The following SOX5 variants were observed in gnomAD, a reference collection of about 807,000 sequenced individuals.
SOX5 encodes SRY-box transcription factor 5.
Under a neutral mutation model 92.0 loss-of-function variants are expected in SOX5, and 9 were observed. The observed-to-expected ratio is 0.10, with a 90% CI of 0.06 to 0.17. SOX5 has a LOEUF of 0.17. Among genes scored for constraint, SOX5 ranks in the 10% least tolerant of loss-of-function variants. The pLI is 1.00. For missense variants in SOX5, 642 were observed against 944.5 expected, an observed-to-expected ratio of 0.68 and a Z score of 4.20; for synonymous variants, 344 against 336.3, an observed-to-expected ratio of 1.02 and a Z score of -0.25.
At chr12:23,986,599 T>G (rs1206124198) in intron 4 of SOX5, among the ~76,000 whole-genome samples, 1 of 152,170 alleles carries the variant, frequency 6.6e-6, no homozygotes, top group Non-Finnish European at 1.5e-5. Flanking sequence ...TAAAATGCAG[T>G]CAATCAACCA....
chr12:24,119,222 A>C (rs1301353943), intron 4 of SOX5, among the ~76,000 whole-genome samples: 2 of 152,130 alleles, frequency 1.3e-5, no homozygotes, highest in Non-Finnish European at 2.9e-5. Context: ...CTGGATGATT[A>C]ATGTTTTGTA....
At chr12:23,999,166 GTGTGTGTGTGTA>G (rs955950825) in intron 4 of SOX5, among the ~76,000 whole-genome samples, 20 of 150,780 alleles carry the variant, frequency 1.3e-4, no homozygotes, top group African/African-American at 3.2e-4. Flanking sequence ...GTGTGTGTGT[GTGTGTGTGTGTA>G]CCATTGCTTC....
chr12:24,439,122 G>T (rs1310055356), intron 1 of SOX5, among the ~76,000 whole-genome samples: 1 of 152,170 alleles, frequency 6.6e-6, no homozygotes, highest in African/African-American at 2.4e-5. Flanking sequence ...CAACACTGAG[G>T]CAAGACCCTC....
chr12:23,693,183 G>T (rs1268466356), intron 6 of SOX5, among the ~76,000 whole-genome samples: 2 of 152,126 alleles, frequency 1.3e-5, no homozygotes, highest in Non-Finnish European at 2.9e-5. Context: ...AGTGCAAGTG[G>T]CACGATCTCG....
chr12:23,557,686 T>C lies in SOX5; in HGVS notation c.1488+5572A>G, dbSNP rs137908911. ...GAACCCCAGACAAGGTATAAGAACC[T>C]GGACATGGGCCAGGCACATTGGCTC... On this transcript the variant is annotated intron_variant, in intron 11 of 14. Transcript: ENST00000451604. Among the ~76,000 whole-genome samples, 17 of 152,244 alleles carry C rather than the reference T, an allele frequency of 1.1e-4. No homozygotes were observed. The East Asian group carries it at 2.3e-3, about 21-fold the overall frequency.
intron 3 of SOX5, among the ~76,000 whole-genome samples, chr12:23,819,184 C>A (rs764350325): frequency 6.6e-6 from 1 of 152,188 alleles, no homozygotes; most frequent in Non-Finnish European, 1.5e-5. Context: ...ACACCAGCAT[C>A]ACCACAAACT....
chr12:23,899,409 GA>G (rs754805392), intron 1 of SOX5, among the ~76,000 whole-genome samples: 3,233 of 119,920 alleles, frequency 0.027, 66 homozygotes, highest in Middle Eastern at 0.069. Flanking sequence ...TGAAAAAAAA[GA>G]AAAAAAAAAA....
chr12:24,157,973 C>A (rs1952367521), intron 4 of SOX5, among the ~76,000 whole-genome samples: 1 of 151,970 alleles, frequency 6.6e-6, no homozygotes, highest in Non-Finnish European at 1.5e-5. Flanking sequence ...TTTACTATTT[C>A]AGAGTACCTC....
chr12:23,884,425 A>G (rs2097037518), intron 2 of SOX5, among the ~76,000 whole-genome samples: 2 of 152,168 alleles, frequency 1.3e-5, no homozygotes, highest in African/African-American at 4.8e-5. Context: ...GCCTTTTAGA[A>G]TCTCATATAT....
In SOX5 at chr12:23,608,491, C is replaced by T. The variant is rs907224109; in HGVS notation, c.1018-3958G>A. Among the ~76,000 whole-genome samples the T allele has an allele frequency of 5.3e-5, 8 of 152,106 alleles. No homozygotes were observed. The South Asian group carries it at 1.0e-3, about 20-fold the overall frequency. The stretch of plus-strand genomic sequence containing the variant: ...TTACATACATGTATATAAATATAAG[C>T]AACTCCTATTTTTGTCTCAAATTGC... On this transcript the variant is annotated intron_variant, in intron 8 of 14. Coordinates refer to ENST00000451604, the MANE Select transcript of SOX5 (RefSeq NM_006940.6).
At chr12:23,750,939 T>C (rs547525407) in intron 4 of SOX5, among the ~76,000 whole-genome samples, 5 of 152,010 alleles carry the variant, frequency 3.3e-5, no homozygotes, top group African/African-American at 1.2e-4. Flanking sequence ...CACTGGTTTA[T>C]AGAAAATGTA....
chr12:24,046,070 A>T (rs1187012084), intron 4 of SOX5, among the ~76,000 whole-genome samples: 1 of 152,148 alleles, frequency 6.6e-6, no homozygotes, highest in African/African-American at 2.4e-5. Context: ...GAAATGAGAG[A>T]TTTATTTTAT....
At chr12:23,587,854 G>C (rs1048894070) in intron 9 of SOX5, among the ~76,000 whole-genome samples, 1 of 152,034 alleles carries the variant, frequency 6.6e-6, no homozygotes, top group African/African-American at 2.4e-5. Flanking sequence ...GGATGGAAAA[G>C]ACCTTTAGCC....
chr12:24,314,561 A>AT (rs1319220694), intron 2 of SOX5, among the ~76,000 whole-genome samples: 2 of 138,482 alleles, frequency 1.4e-5, no homozygotes, highest in African/African-American at 5.0e-5. Context: ...CTGCTTATAC[A>AT]TAAAAAAAAA....
At chr12:24,053,957 G>T (rs1456716027) in intron 4 of SOX5, among the ~76,000 whole-genome samples, 1 of 152,180 alleles carries the variant, frequency 6.6e-6, no homozygotes, top group Non-Finnish European at 1.5e-5. Flanking sequence ...TTAGAGCAGT[G>T]AAGTAATGAA....
chr12:24,379,689 G>C (rs1957622714), intron 1 of SOX5, among the ~76,000 whole-genome samples: 1 of 152,100 alleles, frequency 6.6e-6, no homozygotes, highest in Non-Finnish European at 1.5e-5. Context: ...GACAAAGTGT[G>C]ACTCCCGGGT....
At chr12:23,972,010 T>C (rs1948397729) in intron 4 of SOX5, among the ~76,000 whole-genome samples, 1 of 152,162 alleles carries the variant, frequency 6.6e-6, no homozygotes, top group African/African-American at 2.4e-5. Flanking sequence ...GTAGTATCCA[T>C]TTGGGCATTC....
rs1358235449 is a variant in SOX5 at position 23,863,992 on chromosome 12, T to TG, written c.271-17800dup. 2.0e-5 allele frequency among the ~76,000 whole-genome samples: 3 copies of TG among 151,506 alleles called. No homozygotes were observed. In the East Asian group the frequency reaches 5.8e-4, roughly 29 times the overall value. On this transcript the variant is annotated intron_variant, in intron 2 of 14. Transcript: ENST00000451604. ...TCCACAAATATAGCTTTTTTTTTTTTGTTAACAAATTGAAAGCTTGTGGCA... is the reference window on the plus strand; with the variant it reads ...TCCACAAATATAGCTTTTTTTTTTTTGGTTAACAAATTGAAAGCTTGTGGCA...
upstream of SOX5, among the ~76,000 whole-genome samples, chr12:23,950,274 ACACACACT>A (rs971771996): frequency 3.3e-5 from 5 of 151,934 alleles, no homozygotes; most frequent in African/African-American, 1.2e-4. Flanking sequence ...ACACACACAC[ACACACACT>A]CACACACACA....
Sources: allele counts gnomAD v4.1 joint callset (sites outside exome capture counted in the v4.1 genomes callset), GRCh38; gene constraint gnomAD v4.1.1; transcripts MANE v1.5; gene names NCBI Gene and HGNC (gene_info 2026-07-23, HGNC 2026-07-21).